RUNX1: variants seen among roughly 807,000 people sequenced by gnomAD.
The protein encoded by RUNX1 is runt-related transcription factor 1.
In RUNX1, 19 loss-of-function variants were observed where a neutral mutation model predicts 42.8. That is an observed-to-expected ratio of 0.44 (90% CI 0.31 to 0.65). The LOEUF (loss-of-function observed/expected upper bound fraction) is 0.65. Among genes scored for constraint, RUNX1 ranks in the 30% least tolerant of loss-of-function variants. The pLI is 0.07. For missense variants in RUNX1, 528 were observed against 672.0 expected, an observed-to-expected ratio of 0.79 and a Z score of 2.37; for synonymous variants, 271 against 289.4, an observed-to-expected ratio of 0.94 and a Z score of 0.64.
chr21:34,854,426 A>T (rs2057467594), intron 6 of RUNX1, among the ~76,000 whole-genome samples: 1 of 152,076 alleles, frequency 6.6e-6, no homozygotes, highest in Middle Eastern at 3.4e-3. Context: ...CTATGAAAAA[A>T]ATTAAAAAAT....
At position 35,034,853 on chromosome 21, in the gene RUNX1, G is replaced by A. The variant is rs57647730; in HGVS notation, c.58+13989C>T. Among the ~76,000 whole-genome samples the A allele has an allele frequency of 4.0e-3, 615 of 152,288 alleles. 5 individuals carry two copies. The highest frequency in any genetic ancestry group is 0.014 in the African/African-American group (568 of 41,544). On this transcript the variant is annotated intron_variant, in intron 2 of 8. Transcript: ENST00000675419. ...CCACTAGCTCTCTCATTTTACCCGA[G>A]AGATGTACAGGAGGAAGATCAGGGT...
At chr21:34,949,908 G>A (rs1015974984) in intron 2 of RUNX1, among the ~76,000 whole-genome samples, 8 of 152,190 alleles carry the variant, frequency 5.3e-5, no homozygotes, top group Admixed American at 2.6e-4. Flanking sequence ...ATGTCCCTCC[G>A]AACTGACTGG....
At chr21:34,794,570 G>A (rs904283137) in intron 8 of RUNX1, among the ~76,000 whole-genome samples, 21 of 152,276 alleles carry the variant, frequency 1.4e-4, no homozygotes, top group Non-Finnish European at 2.4e-4. Context: ...ACTTTGTTAC[G>A]ACTGTACATT....
At chr21:34,880,932 T>C (rs760523048) in intron 4 of RUNX1, among the ~76,000 whole-genome samples, 6 of 152,236 alleles carry the variant, frequency 3.9e-5, no homozygotes, top group Admixed American at 6.5e-5. Flanking sequence ...GTAATTGCAG[T>C]GTTTGCAATT....
At chr21:34,889,651 C>T (rs1458866821) in intron 3 of RUNX1, 3 of 1,115,514 alleles carry the variant, frequency 2.7e-6, no homozygotes, top group South Asian at 2.3e-5. Flanking sequence ...CCCGTGCGCT[C>T]GAGCGGCCCC....
intron 2 of RUNX1, among the ~76,000 whole-genome samples, chr21:35,022,665 C>A (rs1029149597): frequency 6.6e-6 from 1 of 152,042 alleles, no homozygotes; most frequent in African/African-American, 2.4e-5. Flanking sequence ...GAGGCTGAGG[C>A]GGGCGGATCA....
chr21:34,821,681 G>T, intron 7 of RUNX1: 1 of 1,575,458 alleles, frequency 6.3e-7, no homozygotes, highest in African/African-American at 1.3e-5. Flanking sequence ...ACATCTCCAG[G>T]GTGCTGTGTC....
At chr21:35,040,495 C>T (rs138059916) in intron 2 of RUNX1, among the ~76,000 whole-genome samples, 113 of 152,148 alleles carry the variant, frequency 7.4e-4, no homozygotes, top group African/African-American at 2.4e-3. Context: ...TAGGATGGGC[C>T]GGGTGCAGTG....
intron 2 of RUNX1, among the ~76,000 whole-genome samples, chr21:34,991,248 C>A (rs1033689396): frequency 6.6e-6 from 1 of 152,186 alleles, no homozygotes; most frequent in African/African-American, 2.4e-5. Context: ...CCTGGACATG[C>A]CTTTACCTCC....
At chr21:34,889,872 G>C (rs752577838) in intron 3 of RUNX1, 196 of 1,078,332 alleles carry the variant, frequency 1.8e-4, no homozygotes, top group Non-Finnish European at 2.1e-4. Flanking sequence ...GCCGGGCCCT[G>C]CACCTCCCGG....
chr21:34,946,445 G>A (rs2058563734), intron 2 of RUNX1, among the ~76,000 whole-genome samples: 1 of 152,064 alleles, frequency 6.6e-6, no homozygotes, highest in Non-Finnish European at 1.5e-5. Context: ...TCACACTTCT[G>A]CACTTGCCAT....
intron 3 of RUNX1, among the ~76,000 whole-genome samples, 177 bp downstream of exon 3, chr21:34,892,748 A>G (rs1298727465): frequency 1.3e-5 from 2 of 152,212 alleles, no homozygotes; most frequent in Non-Finnish European, 2.9e-5. Context: ...TTTATATGGT[A>G]TAACATTTAC....
chr21:34,803,202 T>G (rs1163932328), intron 7 of RUNX1, among the ~76,000 whole-genome samples: 1 of 152,046 alleles, frequency 6.6e-6, no homozygotes, highest in African/African-American at 2.4e-5. Context: ...GGGATTAGGA[T>G]GGAGAAGGCA....
intron 5 of RUNX1, among the ~76,000 whole-genome samples, chr21:34,872,346 G>A (rs1023496111): frequency 6.6e-5 from 10 of 152,138 alleles, no homozygotes; most frequent in African/African-American, 1.4e-4. Context: ...GAGCCTTCTC[G>A]GAGAAGCTGC....
At chr21:34,828,232 G>A (rs1376427055) in intron 7 of RUNX1, among the ~76,000 whole-genome samples, 3 of 152,232 alleles carry the variant, frequency 2.0e-5, no homozygotes, top group African/African-American at 7.2e-5. Flanking sequence ...CCAGTTTTAA[G>A]ACTTAATATT....
intron 4 of RUNX1, among the ~76,000 whole-genome samples, chr21:34,882,772 T>A (rs1318854181): frequency 1.3e-5 from 2 of 152,106 alleles, no homozygotes; most frequent in Non-Finnish European, 2.9e-5. Flanking sequence ...TTTCCCCTTT[T>A]TTTCATGATT....
At chr21:35,014,340 T>C (rs115196392) in intron 2 of RUNX1, among the ~76,000 whole-genome samples, 1,929 of 152,250 alleles carry the variant, frequency 0.013, 39 homozygotes, top group African/African-American at 0.044. Context: ...CAATGAAACA[T>C]CCTGCCTAGG....
chr21:34,975,239 G>A (rs564479261), intron 2 of RUNX1, among the ~76,000 whole-genome samples: 209 of 152,280 alleles, frequency 1.4e-3, no homozygotes, highest in Non-Finnish European at 1.9e-3. Context: ...TCTGCCCTCC[G>A]GGATATTATG....
chr21:34,937,641 T>G (rs2058496155), intron 2 of RUNX1, among the ~76,000 whole-genome samples: 1 of 151,454 alleles, frequency 6.6e-6, no homozygotes, highest in African/African-American at 2.4e-5. Flanking sequence ...TGAGGCTCAA[T>G]GTGGGGTTCT....
Sources: gnomAD v4.1 joint callset for allele counts (sites outside exome capture counted in the v4.1 genomes callset) on GRCh38, gnomAD v4.1.1 for gene constraint, MANE v1.5 for transcripts, NCBI Gene and HGNC (gene_info 2026-07-23, HGNC 2026-07-21) for gene names.